Variants in RARB observed in about 807,000 individuals in gnomAD.
The protein encoded by RARB is HBV-activated protein.
A neutral mutation model predicts 51.9 loss-of-function variants in RARB; 17 were observed. That is an observed-to-expected ratio of 0.33 (90% confidence interval 0.22 to 0.49). RARB has a LOEUF of 0.49. RARB is among the 20% of genes least tolerant of loss of function. RARB has a pLI of 0.99. For missense variants in RARB, 369 were observed against 550.8 expected (o/e 0.67, Z 3.30); for synonymous variants, 215 against 195.4 (o/e 1.10, Z -0.84).
intron 2 of RARB, among the ~76,000 whole-genome samples, chr3:25,056,225 C>CA (rs1275471457): frequency 6.6e-6 from 1 of 152,076 alleles, no homozygotes; most frequent in Non-Finnish European, 1.5e-5. Context: ...GTAGCCATCT[C>CA]AGCTGCCTTC....
intron 2 of RARB, among the ~76,000 whole-genome samples, chr3:24,897,218 G>A (rs185935177): frequency 7.9e-5 from 12 of 152,236 alleles, no homozygotes; most frequent in African/African-American, 1.9e-4. Flanking sequence ...AACCTTAGGC[G>A]TAGCTGTTTA....
chr3:25,121,987 C>T (rs1331610663), intron 3 of RARB, among the ~76,000 whole-genome samples: 6 of 152,148 alleles, frequency 3.9e-5, no homozygotes, highest in African/African-American at 9.7e-5. Context: ...GAAACCCATA[C>T]CTCATTCTGA....
At chr3:24,917,267 G>A (rs1695126250) in intron 2 of RARB, among the ~76,000 whole-genome samples, 1 of 152,002 alleles carries the variant, frequency 6.6e-6, no homozygotes, top group African/African-American at 2.4e-5. Context: ...AGGTTAAGAG[G>A]TTTTAGATAT....
chr3:25,068,133 C>CAAAAAAAA (rs55826425), intron 3 of RARB, among the ~76,000 whole-genome samples: 10 of 33,268 alleles, frequency 3.0e-4, no homozygotes, highest in Non-Finnish European at 3.7e-4. Context: ...GACTCCATCT[C>CAAAAAAAA]AAAAAAAAAA....
intron 5 of RARB, among the ~76,000 whole-genome samples, chr3:25,336,298 C>T (rs1460864220): frequency 6.6e-6 from 1 of 152,154 alleles, no homozygotes; most frequent in East Asian, 1.9e-4. Flanking sequence ...GAATGACATA[C>T]ATGCTTTAAA....
At chr3:25,522,856 C>A (rs1698460972) in intron 3 of RARB, among the ~76,000 whole-genome samples, 1 of 152,140 alleles carries the variant, frequency 6.6e-6, no homozygotes, top group South Asian at 2.1e-4. Context: ...AAGGTTCTGT[C>A]CGCAGAGAAG....
chr3:25,500,173 A>G (rs1697223165), intron 2 of RARB, among the ~76,000 whole-genome samples: 1 of 152,156 alleles, frequency 6.6e-6, no homozygotes. Flanking sequence ...AAATGTAGCT[A>G]ATGTAACTAA....
At chr3:25,575,999 G>A (rs1471753549) in intron 4 of RARB, among the ~76,000 whole-genome samples, 1 of 152,100 alleles carries the variant, frequency 6.6e-6, no homozygotes, top group African/African-American at 2.4e-5. Context: ...CATAAGTCCT[G>A]ATCTTTTGAA....
chr3:25,518,226 T>C (rs1459848525), intron 3 of RARB, among the ~76,000 whole-genome samples: 1 of 152,160 alleles, frequency 6.6e-6, no homozygotes, highest in East Asian at 1.9e-4. Flanking sequence ...CAGATTCGTA[T>C]ACTAAGTTGT....
At chr3:25,459,280 A>T (rs796555427) in intron 1 of RARB, among the ~76,000 whole-genome samples, 15 of 152,356 alleles carry the variant, frequency 9.8e-5, no homozygotes, top group Non-Finnish European at 1.2e-4. Flanking sequence ...ATATCTAGAA[A>T]GGACAAATAG....
At chr3:24,850,788 G>A (rs1023999778) in intron 1 of RARB, among the ~76,000 whole-genome samples, 1 of 152,170 alleles carries the variant, frequency 6.6e-6, no homozygotes. Flanking sequence ...CTGATCAGTA[G>A]GTCAAGGATG....
chr3:25,000,003 T>TCA (rs10630651), intron 2 of RARB, among the ~76,000 whole-genome samples: 118,833 of 151,800 alleles, frequency 0.78, 46,878 homozygotes, highest in East Asian at 0.94. Context: ...CTGAGATCTG[T>TCA]CCAGGAGAAG....
intron 7 of RARB, among the ~76,000 whole-genome samples, chr3:25,595,370 T>C (rs1309195518): frequency 6.6e-6 from 1 of 152,208 alleles, no homozygotes; most frequent in Non-Finnish European, 1.5e-5. Flanking sequence ...GAATAAACTC[T>C]GTATTTCAGA....
chr3:25,360,712 C>G lies in RARB; in HGVS notation c.179-100481C>G, dbSNP rs887374144. On this transcript the variant is annotated intron_variant, in intron 5 of 11. Coordinates refer to the RARB transcript ENST00000383772. ...TCAGCATTTGCTTGACTGTAAATTT[C>G]TCCTTCACTTCTCCTTCACTTATAA... Among the ~76,000 whole-genome samples, 54 of 147,968 alleles carry G rather than the reference C, an allele frequency of 3.6e-4. 1 individual carries two copies. Among genetic ancestry groups the G allele is most frequent in the Non-Finnish European group, 4.2e-4 (28 of 66,794 alleles).
chr3:25,081,607 ATATATATATATATATTTTTTTTTT>A lies in RARB; in HGVS notation c.-328+21433_-328+21456del, dbSNP rs1395669268. Reference sequence around the variant, plus strand: ...TATACATATATATATATATATATATATATATATATATATATTTTTTTTTTTTTTTTTTTTTTTTTTTTGAGATGG... The same window carrying A: ...TATACATATATATATATATATATATATTTTTTTTTTTTTTTTTTGAGATGG... On this transcript the variant is annotated intron_variant, in intron 3 of 11. Transcript: ENST00000383772. 6.8e-4 allele frequency among the ~76,000 whole-genome samples: 7 copies of A among 10,324 alleles called. No individual in the cohort carries two copies. In the East Asian group the frequency reaches 0.01, roughly 15 times the overall value. The allele number at this position is 10,324 out of a possible 152,430, so 6.8% of individuals were successfully genotyped here. A position where few individuals can be genotyped will look rare whatever the true frequency, so the allele number is the denominator to read the frequency against.
At chr3:25,383,485 A>G (rs1278283204) in intron 5 of RARB, among the ~76,000 whole-genome samples, 2 of 152,236 alleles carry the variant, frequency 1.3e-5, no homozygotes, top group Non-Finnish European at 2.9e-5. Context: ...TAGAACTAGG[A>G]GGCTGAGCAA....
intron 5 of RARB, among the ~76,000 whole-genome samples, chr3:25,246,978 C>T (rs1702578083): frequency 6.6e-6 from 1 of 152,238 alleles, no homozygotes; most frequent in African/African-American, 2.4e-5. Context: ...ATCTATAAGC[C>T]CCTGACTAGG....
At chr3:25,426,631 G>A (rs1707998936), upstream of RARB, among the ~76,000 whole-genome samples, 1 of 152,248 alleles carries the variant, frequency 6.6e-6, no homozygotes, top group African/African-American at 2.4e-5. Context: ...ATTGGGCAAG[G>A]AGACTCTCCC....
At chr3:25,358,761 G>C (rs1705830724) in intron 5 of RARB, among the ~76,000 whole-genome samples, 1 of 152,166 alleles carries the variant, frequency 6.6e-6, no homozygotes, top group Non-Finnish European at 1.5e-5. Context: ...CATTGGTTCT[G>C]TTTATGTGAT....
Sources: allele counts gnomAD v4.1 joint callset (sites outside exome capture counted in the v4.1 genomes callset), GRCh38; gene constraint gnomAD v4.1.1; transcripts MANE v1.5; gene names NCBI Gene and HGNC (gene_info 2026-07-23, HGNC 2026-07-21).